Variants in ARID4A observed in about 807,000 individuals in gnomAD.
ARID4A encodes AT-rich interaction domain 4A.
ARID4A carries 39 observed loss-of-function variants against 148.6 expected under a neutral mutation model. That is an observed-to-expected ratio of 0.26 (90% CI 0.20 to 0.34). The LOEUF (loss-of-function observed/expected upper bound fraction) is 0.34. ARID4A is among the 10% of genes least tolerant of loss of function. The pLI is 1.00. For synonymous variants in ARID4A, 475 were observed against 481.2 expected (o/e 0.99, Z 0.17); for missense variants, 1,265 against 1,449.1 (o/e 0.87, Z 2.06).
At chr14:58,361,611 A>G (rs1371706599) in intron 19 of ARID4A, among the ~76,000 whole-genome samples, 20 of 152,230 alleles carry the variant, frequency 1.3e-4, no homozygotes, top group Admixed American at 1.3e-3. Flanking sequence ...ACTAAGCAGC[A>G]AGGTAGCATC....
intron 12 of ARID4A, 43 bp from the exon 13 acceptor site, chr14:58,346,368 C>T (rs1410686339): frequency 2.2e-6 from 3 of 1,373,902 alleles, no homozygotes; most frequent in East Asian, 2.3e-5. Context: ...TAGTATTTCT[C>T]ATTTGAATAA....
At chr14:58,347,262 T>A in intron 14 of ARID4A, 145 bp downstream of exon 14, 1 of 486,912 alleles carries the variant, frequency 2.1e-6, no homozygotes, top group Non-Finnish European at 3.5e-6. Context: ...TACTTGTGAT[T>A]GAAAGTTATT....
chr14:58,300,851 CCTGT>C (rs906140058), intron 2 of ARID4A, among the ~76,000 whole-genome samples: 5 of 151,110 alleles, frequency 3.3e-5, no homozygotes, highest in Non-Finnish European at 7.4e-5. Flanking sequence ...TAGCAATCAT[CCTGT>C]TACTGTAAAA....
At chr14:58,371,554 T>C (rs2035615583) in intron 23 of ARID4A, among the ~76,000 whole-genome samples, 1 of 152,152 alleles carries the variant, frequency 6.6e-6, no homozygotes, top group South Asian at 2.1e-4. Context: ...TTCCATATGG[T>C]TCCATGTTTA....
At chr14:58,358,415 C>T (rs1229058659) in intron 17 of ARID4A, among the ~76,000 whole-genome samples, 1 of 151,956 alleles carries the variant, frequency 6.6e-6, no homozygotes, top group Admixed American at 6.6e-5. Context: ...TCCATTGAGC[C>T]GAGATGGCAC....
intron 3 of ARID4A, among the ~76,000 whole-genome samples, chr14:58,302,726 G>A (rs1235697316): frequency 6.6e-6 from 1 of 152,094 alleles, no homozygotes; most frequent in Non-Finnish European, 1.5e-5. Context: ...AGCCTGAATG[G>A]GGGGATTGCT....
Position 58,318,785 on chromosome 14 carries a change from A to T in ARID4A, c.429A>T (p.Gly143=). ...TAATTGCAAAGAAGACGAACAGAGG[A>T]AGGAGATCTTCTCTTCCTGTGTGAG... The part of the protein sequence containing the change: ...TPVIAKKTNR[G]RRSSLPVTED... The change falls in exon 7 of 24, where the codon GGA becomes GGT. Residue 143 remains glycine (G), a synonymous_variant. Transcript: ENST00000355431. 6.2e-7 allele frequency: 1 copy of T among 1,613,572 alleles called. No individual in the cohort carries two copies. Among genetic ancestry groups the T allele is most frequent in the Non-Finnish European group, 8.5e-7 (1 of 1,179,540 alleles).
chr14:58,364,802 G>A lies in ARID4A; in HGVS notation c.2713G>A (p.Glu905Lys). 6.2e-7 allele frequency: 1 copy of A among 1,614,124 alleles called. No homozygotes were observed. Among genetic ancestry groups the A allele is most frequent in the Non-Finnish European group, 8.5e-7 (1 of 1,180,022 alleles). Reference sequence around the variant, plus strand: ...AAACTTAAATTTTGAACAGCACTTTGAAAGAGAAAATGAAGGAATGCCATC... The same window carrying A: ...AAACTTAAATTTTGAACAGCACTTTAAAAGAGAAAATGAAGGAATGCCATC... ...MKNLNFEQHF[E>K]RENEGMPSLI... Residue 905 changes from glutamate (E) to lysine (K), a missense_variant, in exon 20 of 24, where the codon GAA becomes AAA. Coordinates refer to ENST00000355431, the MANE Select transcript of ARID4A (RefSeq NM_002892.4).
intron 5 of ARID4A, among the ~76,000 whole-genome samples, chr14:58,313,550 C>T (rs1022765121): frequency 1.2e-4 from 18 of 152,266 alleles, no homozygotes; most frequent in African/African-American, 4.3e-4. Context: ...GGTTTGTGAC[C>T]TGGGGGTTGC....
chr14:58,347,337 A>T (rs1033334366), intron 14 of ARID4A, among the ~76,000 whole-genome samples: 1 of 152,206 alleles, frequency 6.6e-6, no homozygotes, highest in Non-Finnish European at 1.5e-5. Flanking sequence ...CAAAATCAGG[A>T]TGCAGGTAGT....
chr14:58,311,817 A>G (rs983023523), intron 5 of ARID4A, among the ~76,000 whole-genome samples: 16 of 151,890 alleles, frequency 1.1e-4, no homozygotes, highest in Admixed American at 4.6e-4. Flanking sequence ...ACATTATGCC[A>G]AGTGAAATAA....
chr14:58,351,480 A>T (rs1377502727), intron 16 of ARID4A, 157 bp downstream of exon 16: 3 of 997,504 alleles, frequency 3.0e-6, no homozygotes, highest in Non-Finnish European at 4.4e-6. Flanking sequence ...GATGATGTGT[A>T]TTGCCTTTCG....
In ARID4A at chr14:58,373,419, C is replaced by T. The variant is rs1220959684; in HGVS notation, c.*1430C>T. On this transcript the variant is annotated 3_prime_UTR_variant, in exon 24 of 24. Transcript: ENST00000355431. ...GAAAGGGGTTTTTTTTTTAAACCTC[C>T]TTTTCTGTGTTTAATATGCTGTAGA... The T allele has an allele frequency of 1.1e-5, 2 of 181,374 alleles. No individual in the cohort carries two copies. Among genetic ancestry groups the T allele is most frequent in the Non-Finnish European group, 2.3e-5 (2 of 85,272 alleles). The allele number at this position is 181,374 out of a possible 1,614,324, so 11.2% of individuals were successfully genotyped here.
At chr14:58,331,791 TTTATC>T (rs2033533642) in intron 11 of ARID4A, among the ~76,000 whole-genome samples, 1 of 152,182 alleles carries the variant, frequency 6.6e-6, no homozygotes, top group Non-Finnish European at 1.5e-5. Flanking sequence ...ATTTTTGTAT[TTTATC>T]TGTATTTATT....
intron 5 of ARID4A, among the ~76,000 whole-genome samples, chr14:58,307,985 C>T (rs1453873543): frequency 8.3e-6 from 1 of 119,826 alleles, no homozygotes; most frequent in African/African-American, 3.4e-5. Flanking sequence ...TTTTAACTCA[C>T]TATAAAGGTT....
At chr14:58,330,196 A>G in intron 11 of ARID4A, 27 bp downstream of exon 11, 1 of 1,601,402 alleles carries the variant, frequency 6.2e-7, no homozygotes, top group South Asian at 1.1e-5. Context: ...GTTTGTAACA[A>G]AAACATCTTA....
intron 11 of ARID4A, among the ~76,000 whole-genome samples, chr14:58,342,132 G>GCAGCCA (rs1437783833): frequency 2.0e-5 from 3 of 152,236 alleles, no homozygotes; most frequent in Admixed American, 1.3e-4. Context: ...AAGGTGACTA[G>GCAGCCA]CAGCAAGGCT....
intron 11 of ARID4A, among the ~76,000 whole-genome samples, chr14:58,333,128 G>A (rs2033624377): frequency 6.6e-6 from 1 of 152,016 alleles, no homozygotes; most frequent in Non-Finnish European, 1.5e-5. Flanking sequence ...CTGTTACTGT[G>A]TGGGAAAAGA....
chr14:58,366,982 C>T lies in ARID4A; in HGVS notation c.3623C>T (p.Ala1208Val). Residue 1208 changes from alanine (A) to valine (V), a missense_variant, in exon 23 of 24, where the codon GCA (alanine) becomes GTA (valine). By Grantham distance (64) the Ala-to-Val change is moderately conservative. Around this residue, in one of 9 missense-constraint regions of ARID4A, gnomAD observed 666 missense variants for 730.9 expected, o/e 0.91. Coordinates refer to ENST00000355431, the MANE Select transcript of ARID4A (RefSeq NM_002892.4). Reference protein sequence around the residue: ...KYYMSLKSEVATIDRRRKRLK... With the variant: ...KYYMSLKSEVVTIDRRRKRLK... ...TATATGTCTTTGAAGTCTGAAGTTG[C>T]AACCATAGACAGGAGGAGAAAAAGA... The T allele has an allele frequency of 6.6e-7, 1 of 1,511,752 alleles. No individual in the cohort carries two copies. Among genetic ancestry groups the T allele is most frequent in the Non-Finnish European group, 8.8e-7 (1 of 1,140,894 alleles). The allele number at this position is 1,511,752 out of a possible 1,614,324, so 93.6% of individuals were successfully genotyped here.
Sources: allele counts gnomAD v4.1 joint callset (sites outside exome capture counted in the v4.1 genomes callset), GRCh38; gene constraint gnomAD v4.1.1; regional missense constraint gnomAD v4.1.1; transcripts MANE v1.5; gene names NCBI Gene and HGNC (gene_info 2026-07-23, HGNC 2026-07-21).